CNTNAP2: variants seen among roughly 807,000 people sequenced by gnomAD.
The protein encoded by CNTNAP2 is contactin-associated protein-like 2.
CNTNAP2 carries 98 observed loss-of-function variants against 155.2 expected under a neutral mutation model. The observed-to-expected ratio is 0.63, with a 90% CI of 0.54 to 0.75. The LOEUF is 0.75. CNTNAP2 is among the 30% of genes least tolerant of loss of function. CNTNAP2 has a pLI of 0.00. For synonymous variants in CNTNAP2, 651 were observed against 631.2 expected, an observed-to-expected ratio of 1.03 and a Z score of -0.47; for missense variants, 1,727 against 1,688.1, an observed-to-expected ratio of 1.02 and a Z score of -0.40.
chr7:146,585,698 C>T (rs970121067), intron 1 of CNTNAP2, among the ~76,000 whole-genome samples: 20 of 118,232 alleles, frequency 1.7e-4, no homozygotes, highest in East Asian at 4.7e-4. Context: ...CTCATCTGTA[C>T]GAAAGAAGGA....
intron 20 of CNTNAP2, among the ~76,000 whole-genome samples, chr7:148,235,682 A>ATTTTT (rs748645353): frequency 1.4e-5 from 1 of 70,216 alleles, no homozygotes. Flanking sequence ...CTGTGCAGCA[A>ATTTTT]TTATTTTTTT....
chr7:146,967,272 T>A (rs1015830351), intron 3 of CNTNAP2, among the ~76,000 whole-genome samples: 2 of 152,340 alleles, frequency 1.3e-5, no homozygotes, highest in African/African-American at 4.8e-5. Flanking sequence ...TATGTTCATA[T>A]GCATGTAACC....
chr7:148,112,653 C>T (rs1356759797), intron 15 of CNTNAP2, among the ~76,000 whole-genome samples: 1 of 152,030 alleles, frequency 6.6e-6, no homozygotes, highest in Admixed American at 6.6e-5. Context: ...CTTCAGCCTC[C>T]CCAGTCACTG....
At chr7:147,116,387 G>T (rs556105484) in intron 5 of CNTNAP2, among the ~76,000 whole-genome samples, 1 of 152,182 alleles carries the variant, frequency 6.6e-6, no homozygotes, top group African/African-American at 2.4e-5. Flanking sequence ...GCCCCTAATC[G>T]GTTTGGGCTC....
intron 1 of CNTNAP2, among the ~76,000 whole-genome samples, chr7:146,172,167 C>G (rs145603194): frequency 1.7e-3 from 250 of 149,640 alleles, no homozygotes; most frequent in African/African-American, 5.9e-3. Flanking sequence ...GTATTTCTTA[C>G]AATTTGCTTC....
intron 3 of CNTNAP2, among the ~76,000 whole-genome samples, chr7:146,875,496 G>C (rs76525969): frequency 0.012 from 1,852 of 152,176 alleles, 37 homozygotes; most frequent in African/African-American, 0.042. Context: ...TGCTTTGCCA[G>C]TTTTAAAACA....
intron 1 of CNTNAP2, among the ~76,000 whole-genome samples, chr7:146,663,277 C>CAAAAAAAAAAAAAAAAAAAAA (rs543257224): frequency 6.0e-5 from 2 of 33,238 alleles, no homozygotes; most frequent in African/African-American, 7.6e-5. Context: ...AACTCCATCT[C>CAAAAAAAAAAAAAAAAAAAAA]AAAAAAAAAA....
chr7:146,132,430 T>C (rs1161146899), intron 1 of CNTNAP2, among the ~76,000 whole-genome samples: 1 of 152,158 alleles, frequency 6.6e-6, no homozygotes, highest in Non-Finnish European at 1.5e-5. Context: ...ATTTTTTTAT[T>C]ATACTTTAAG....
intron 3 of CNTNAP2, among the ~76,000 whole-genome samples, chr7:146,968,527 G>T (rs894971207): frequency 2.0e-5 from 3 of 152,088 alleles, no homozygotes; most frequent in Non-Finnish European, 4.4e-5. Flanking sequence ...CTTCTTCCTG[G>T]ATTAGTCTTG....
intron 1 of CNTNAP2, among the ~76,000 whole-genome samples, chr7:146,281,897 A>C (rs144139412): frequency 6.6e-6 from 1 of 152,306 alleles, no homozygotes; most frequent in African/African-American, 2.4e-5. Flanking sequence ...AATGTGCATA[A>C]AATTTATTAG....
chr7:147,795,747 A>G (rs1189344114), intron 13 of CNTNAP2, among the ~76,000 whole-genome samples: 2 of 152,132 alleles, frequency 1.3e-5, no homozygotes, highest in African/African-American at 4.8e-5. Context: ...CTCTGTTATT[A>G]ACTAGTTGAA....
chr7:147,250,634 T>C (rs1400785841), intron 8 of CNTNAP2, among the ~76,000 whole-genome samples: 4 of 151,872 alleles, frequency 2.6e-5, no homozygotes, highest in Non-Finnish European at 5.9e-5. Context: ...CTTTGGAGTT[T>C]GGAGGAGAAG....
chr7:147,868,383 G>A (rs1177676721), intron 13 of CNTNAP2, among the ~76,000 whole-genome samples: 3 of 152,132 alleles, frequency 2.0e-5, no homozygotes. Context: ...GTGTCTGTCG[G>A]CCCATACTGG....
chr7:147,246,159 G>A (rs1199957602), intron 8 of CNTNAP2, among the ~76,000 whole-genome samples: 2 of 137,764 alleles, frequency 1.5e-5, no homozygotes, highest in Non-Finnish European at 3.0e-5. Flanking sequence ...AGTGACTCAT[G>A]TAATTATGGC....
intron 19 of CNTNAP2, among the ~76,000 whole-genome samples, chr7:148,219,205 G>A (rs1038274377): frequency 1.3e-5 from 2 of 152,106 alleles, no homozygotes; most frequent in Non-Finnish European, 2.9e-5. Flanking sequence ...CTCCCAAAGT[G>A]CTGGGATTAC....
intron 1 of CNTNAP2, among the ~76,000 whole-genome samples, chr7:146,132,182 TC>T (rs1797724362): frequency 6.6e-6 from 1 of 152,150 alleles, no homozygotes; most frequent in Non-Finnish European, 1.5e-5. Flanking sequence ...TTACAGATGA[TC>T]AATTTACTTA....
intron 4 of CNTNAP2, among the ~76,000 whole-genome samples, chr7:147,098,807 T>C (rs1800596333): frequency 6.6e-6 from 1 of 151,888 alleles, no homozygotes; most frequent in Admixed American, 6.6e-5. Flanking sequence ...ATTAATACTT[T>C]ATATTATTGA....
intron 8 of CNTNAP2, among the ~76,000 whole-genome samples, chr7:147,261,847 G>C (rs1168848559): frequency 6.6e-6 from 1 of 152,144 alleles, no homozygotes; most frequent in Non-Finnish European, 1.5e-5. Flanking sequence ...GATTTTGATG[G>C]ATCATTAGAT....
At chr7:146,673,753 AT>A (rs61032784) in intron 1 of CNTNAP2, among the ~76,000 whole-genome samples, 2 of 151,542 alleles carry the variant, frequency 1.3e-5, no homozygotes, top group South Asian at 2.1e-4. Flanking sequence ...CTAATTCTTA[AT>A]TTTTTTTTCT....
Sources: allele counts gnomAD v4.1 joint callset (sites outside exome capture counted in the v4.1 genomes callset), GRCh38; gene constraint gnomAD v4.1.1; transcripts MANE v1.5; gene names NCBI Gene and HGNC (gene_info 2026-07-23, HGNC 2026-07-21).